SGIP1: variants seen among roughly 807,000 people sequenced by gnomAD.
SGIP1 encodes SH3GL interacting endocytic adaptor 1.
Under a neutral mutation model 107.5 loss-of-function variants are expected in SGIP1, and 38 were observed. The observed-to-expected ratio is 0.35, with a 90% CI of 0.27 to 0.46. The LOEUF (loss-of-function observed/expected upper bound fraction) is 0.46, where lower values mean the gene tolerates loss of function less well. SGIP1 is among the 20% of genes least tolerant of loss of function. SGIP1 has a pLI of 1.00. For missense variants in SGIP1, 929 were observed against 1,019.5 expected (o/e 0.91, Z 1.21); for synonymous variants, 365 against 366.1 (o/e 1.00, Z 0.03).
intron 8 of SGIP1, among the ~76,000 whole-genome samples, chr1:66,664,663 A>G (rs571287588): frequency 5.9e-5 from 9 of 152,188 alleles, no homozygotes; most frequent in East Asian, 1.9e-4. Context: ...TTTGCTTCCT[A>G]TCTATGTTCT....
intron 1 of SGIP1, among the ~76,000 whole-genome samples, chr1:66,597,668 A>C (rs900185358): frequency 1.3e-5 from 2 of 152,180 alleles, no homozygotes; most frequent in Non-Finnish European, 2.9e-5. Flanking sequence ...GTAGCCATTA[A>C]CAGTAAGTTG....
intron 1 of SGIP1, among the ~76,000 whole-genome samples, chr1:66,542,061 T>A (rs2055090852): frequency 6.6e-6 from 1 of 152,130 alleles, no homozygotes; most frequent in African/African-American, 2.4e-5. Flanking sequence ...AGCGGATGCC[T>A]GAAACTACAG....
rs367767067 is a variant in SGIP1 at position 66,739,544 on chromosome 1, A to T, written c.2234+7A>T. 1 of 1,613,138 alleles carries T rather than the reference A, an allele frequency of 6.2e-7. No individual in the cohort carries two copies. The highest frequency in any genetic ancestry group is 1.3e-5 in the African/African-American group (1 of 74,908). On this transcript the variant is annotated splice_region_variant and intron_variant, in intron 22 of 24. Transcript: ENST00000371037. ...TGCTCCCACCAGCAGTCTGGTATGA[A>T]GCCTCCTATTCTCTCCACCAAAGGG...
chr1:66,586,169 A>G (rs1165254804), intron 1 of SGIP1, among the ~76,000 whole-genome samples: 1 of 152,004 alleles, frequency 6.6e-6, no homozygotes, highest in Non-Finnish European at 1.5e-5. Context: ...CTTTTTTCCC[A>G]TGATCAATGT....
intron 1 of SGIP1, among the ~76,000 whole-genome samples, chr1:66,555,027 T>G (rs1324836757): frequency 1.3e-5 from 2 of 152,146 alleles, no homozygotes; most frequent in Non-Finnish European, 2.9e-5. Context: ...CTCCTTTATC[T>G]CATAAGTTCA....
chr1:66,616,105 G>A (rs1447491042), intron 1 of SGIP1: 6 of 152,188 alleles, frequency 3.9e-5, no homozygotes, highest in Non-Finnish European at 7.3e-5. Context: ...GCATGAAAGA[G>A]TTATACTTCT....
chr1:66,640,203 T>A (rs184516289), intron 5 of SGIP1, among the ~76,000 whole-genome samples: 1,941 of 152,270 alleles, frequency 0.013, 48 homozygotes, highest in African/African-American at 0.044. Flanking sequence ...TGTGTGGCCT[T>A]GGAGTAGTTA....
chr1:66,689,339 G>A, intron 16 of SGIP1, 64 bp downstream of exon 16: 1 of 1,574,256 alleles, frequency 6.4e-7, no homozygotes, highest in Non-Finnish European at 8.6e-7. Context: ...AGCTCCAAAT[G>A]CCTTCAGGTC....
intron 1 of SGIP1, among the ~76,000 whole-genome samples, chr1:66,567,159 T>G (rs6687137): frequency 0.49 from 74,875 of 151,842 alleles, 19,139 homozygotes; most frequent in South Asian, 0.78. Flanking sequence ...CCACAGCCTC[T>G]CCAGCATCTA....
At chr1:66,624,453 A>C (rs1041517044) in intron 1 of SGIP1, among the ~76,000 whole-genome samples, 1 of 152,216 alleles carries the variant, frequency 6.6e-6, no homozygotes. Flanking sequence ...TTTATATGGG[A>C]GGACTTTTTT....
intron 20 of SGIP1, 141 bp downstream of exon 20, chr1:66,729,560 A>G: frequency 8.8e-7 from 1 of 1,140,330 alleles, no homozygotes; most frequent in Non-Finnish European, 1.2e-6. Context: ...TCAAGCACAG[A>G]ACTTTTACCA....
intron 20 of SGIP1, among the ~76,000 whole-genome samples, chr1:66,730,727 T>C (rs1302340446): frequency 6.6e-6 from 1 of 152,190 alleles, no homozygotes; most frequent in Non-Finnish European, 1.5e-5. Context: ...TTTACCCTTG[T>C]CTGCCTCTCC....
intron 21 of SGIP1, 46 bp downstream of exon 21, chr1:66,733,926 G>C: frequency 6.4e-7 from 1 of 1,569,990 alleles, no homozygotes; most frequent in South Asian, 1.2e-5. Context: ...TGACATATTT[G>C]TTTTCTAAAG....
At chr1:66,742,460 CT>C (rs764080079) in intron 24 of SGIP1, among the ~76,000 whole-genome samples, 155 of 45,104 alleles carry the variant, frequency 3.4e-3, no homozygotes, top group African/African-American at 9.9e-3. Context: ...AGCACCCTTT[CT>C]TTTTTTTTTT....
chr1:66,592,512 C>T (rs978830504), intron 1 of SGIP1, among the ~76,000 whole-genome samples: 1 of 152,302 alleles, frequency 6.6e-6, no homozygotes, highest in South Asian at 2.1e-4. Flanking sequence ...CTTCTTTCTA[C>T]ATAGACACAG....
At chr1:66,622,625 T>A (rs1180646660) in intron 1 of SGIP1, among the ~76,000 whole-genome samples, 1 of 152,194 alleles carries the variant, frequency 6.6e-6, no homozygotes, top group Admixed American at 6.5e-5. Context: ...GGAATCTGAA[T>A]TTGGTGGAGA....
chr1:66,714,979 T>C (rs1397494685), intron 18 of SGIP1, among the ~76,000 whole-genome samples: 2 of 152,170 alleles, frequency 1.3e-5, no homozygotes, highest in Non-Finnish European at 2.9e-5. Context: ...GATGAAAGCA[T>C]TCATTTATTA....
In SGIP1 at chr1:66,748,105, T is replaced by C. The variant is rs1242296903; in HGVS notation, c.*5010T>C. 1 of 151,974 alleles carries C rather than the reference T, an allele frequency of 6.6e-6. No individual in the cohort carries two copies. The highest frequency in any genetic ancestry group is 1.5e-5 in the Non-Finnish European group (1 of 67,848). 9.4% of individuals were successfully genotyped at this position (151,974 alleles called of 1,614,324 possible). A position where few individuals can be genotyped will look rare whatever the true frequency, so the allele number is the denominator to read the frequency against. ...TCTTTTACTGTGTGCACTTTCCTCT[T>C]AAGGTTTTATTGTATTTTCCCTGCT... On this transcript the variant is annotated 3_prime_UTR_variant, in exon 25 of 25. Transcript: ENST00000371037.
chr1:66,681,925 T>G lies in SGIP1; in HGVS notation c.871T>G (p.Leu291Val), dbSNP rs772427174. 3.7e-6 allele frequency: 6 copies of G among 1,614,068 alleles called. No homozygotes were observed. The highest frequency in any genetic ancestry group is 5.1e-6 in the Non-Finnish European group (6 of 1,180,040). Residue 291 changes from leucine (L) to valine (V), a missense_variant, in exon 15 of 25, where the codon TTG (leucine) becomes GTG (valine). By Grantham distance (32) the Leu-to-Val change is conservative. Coordinates refer to ENST00000371037, the MANE Select transcript of SGIP1 (RefSeq NM_032291.4). ...KIEKLPSINDLDSIFGPVLSP... is the reference protein window; with the variant it reads ...KIEKLPSINDVDSIFGPVLSP... ...TGAAAAACTACCATCCATCAATGAC[T>G]TGGACAGCATTTTTGGGCCAGTATT...
Sources: allele counts gnomAD v4.1 joint callset (sites outside exome capture counted in the v4.1 genomes callset), GRCh38; gene constraint gnomAD v4.1.1; transcripts MANE v1.5; gene names NCBI Gene and HGNC (gene_info 2026-07-23, HGNC 2026-07-21).